The following NRXN1 variants were observed in gnomAD, a reference collection of about 807,000 sequenced individuals.
NRXN1 encodes the protein neurexin-1.
NRXN1 carries 39 observed loss-of-function variants against 150.9 expected under a neutral mutation model. That is an observed-to-expected ratio of 0.26 (90% CI 0.20 to 0.34). NRXN1 has a LOEUF of 0.34. Ranked by LOEUF, NRXN1 falls within the 10% of genes least tolerant of loss-of-function variation. The pLI is 1.00. For synonymous variants in NRXN1, 924 were observed against 757.0 expected (o/e 1.22, Z -3.62); for missense variants, 1,815 against 1,949.9 (o/e 0.93, Z 1.30).
intron 8 of NRXN1, among the ~76,000 whole-genome samples, chr2:50,566,915 G>C (rs1669964602): frequency 6.6e-6 from 1 of 152,064 alleles, no homozygotes; most frequent in Non-Finnish European, 1.5e-5. Context: ...TAGAAGTAAA[G>C]GGACTCCTTA....
At chr2:50,507,176 G>C (rs1244552458) in intron 12 of NRXN1, among the ~76,000 whole-genome samples, 2 of 152,036 alleles carry the variant, frequency 1.3e-5, no homozygotes, top group Non-Finnish European at 2.9e-5. Context: ...CTTATACCTG[G>C]TACCTCCAGT....
At chr2:50,114,133 T>C (rs1702726286) in intron 18 of NRXN1, among the ~76,000 whole-genome samples, 1 of 141,174 alleles carries the variant, frequency 7.1e-6, no homozygotes, top group East Asian at 2.2e-4. Flanking sequence ...TCCAGAATAG[T>C]TGTGAGATCC....
chr2:50,159,036 G>C (rs1253005075), intron 18 of NRXN1, among the ~76,000 whole-genome samples: 2 of 152,002 alleles, frequency 1.3e-5, no homozygotes, highest in African/African-American at 4.8e-5. Flanking sequence ...ATGATGATCA[G>C]AGAGATAGAA....
At chr2:50,649,167 G>T (rs1685223858) in intron 5 of NRXN1, among the ~76,000 whole-genome samples, 1 of 148,892 alleles carries the variant, frequency 6.7e-6, no homozygotes, top group East Asian at 2.0e-4. Flanking sequence ...TTCAAATTTT[G>T]GATAGTTTGA....
chr2:50,787,976 A>G (rs993623974), intron 5 of NRXN1, among the ~76,000 whole-genome samples: 1 of 152,200 alleles, frequency 6.6e-6, no homozygotes, highest in African/African-American at 2.4e-5. Flanking sequence ...ATATTGACCT[A>G]TTGTGAGTCT....
intron 13 of NRXN1, among the ~76,000 whole-genome samples, chr2:50,499,858 G>A: frequency 6.7e-6 from 1 of 149,330 alleles, no homozygotes; most frequent in East Asian, 2.0e-4. Context: ...TGAGGCAGGA[G>A]AATCGCTTGA....
chr2:50,955,679 G>C (rs983116130), intron 2 of NRXN1, among the ~76,000 whole-genome samples: 3 of 152,174 alleles, frequency 2.0e-5, no homozygotes, highest in Non-Finnish European at 4.4e-5. Flanking sequence ...AGCAAGTTGA[G>C]ATTGAAAGCA....
intron 18 of NRXN1, among the ~76,000 whole-genome samples, chr2:50,194,701 TA>T (rs2061649184): frequency 6.6e-6 from 1 of 152,166 alleles, no homozygotes; most frequent in Admixed American, 6.6e-5. Flanking sequence ...TCTGGAAATT[TA>T]AACATAATTT....
chr2:50,019,940 T>C, intron 21 of NRXN1, among the ~76,000 whole-genome samples: 1 of 37,868 alleles, frequency 2.6e-5, no homozygotes, highest in Non-Finnish European at 5.2e-5. Flanking sequence ...AAAGCAAGAC[T>C]CCGTCTCAAA....
chr2:50,696,950 AT>A (rs1365595125), intron 5 of NRXN1, among the ~76,000 whole-genome samples: 2 of 152,086 alleles, frequency 1.3e-5, no homozygotes, highest in African/African-American at 4.8e-5. Context: ...GGCATTGTTA[AT>A]TTCCACTTTT....
chr2:50,736,990 G>T (rs551493851), intron 5 of NRXN1, among the ~76,000 whole-genome samples: 3 of 152,132 alleles, frequency 2.0e-5, no homozygotes, highest in Admixed American at 2.0e-4. Context: ...AGGCATGGTG[G>T]TGCATGCCTG....
chr2:50,845,860 G>A (rs1188105637), intron 5 of NRXN1, among the ~76,000 whole-genome samples: 3 of 151,722 alleles, frequency 2.0e-5, no homozygotes, highest in South Asian at 2.1e-4. Flanking sequence ...TTTTCTGAGG[G>A]AAAAAAAACC....
intron 5 of NRXN1, among the ~76,000 whole-genome samples, chr2:50,746,944 C>T (rs897848165): frequency 1.3e-5 from 2 of 152,046 alleles, no homozygotes; most frequent in African/African-American, 4.8e-5. Flanking sequence ...CTTATGAACA[C>T]TCTAGTTAGC....
At chr2:49,956,902 C>T (rs1436741807) in intron 21 of NRXN1, among the ~76,000 whole-genome samples, 2 of 152,072 alleles carry the variant, frequency 1.3e-5, no homozygotes, top group Non-Finnish European at 2.9e-5. Context: ...TGCCTACATT[C>T]GATCAGGATA....
At chr2:50,262,743 C>T (rs2068419635) in intron 17 of NRXN1, among the ~76,000 whole-genome samples, 1 of 152,002 alleles carries the variant, frequency 6.6e-6, no homozygotes, top group Non-Finnish European at 1.5e-5. Flanking sequence ...GATGTAGCTG[C>T]AGTGGTGTCA....
chr2:50,806,763 G>A (rs149496526), intron 5 of NRXN1, among the ~76,000 whole-genome samples: 7 of 151,980 alleles, frequency 4.6e-5, no homozygotes, highest in Admixed American at 1.3e-4. Context: ...GAGCTACCTC[G>A]TACTAGTCCT....
At chr2:50,443,857 C>T (rs2086176229) in intron 17 of NRXN1, among the ~76,000 whole-genome samples, 2 of 152,078 alleles carry the variant, frequency 1.3e-5, no homozygotes, top group South Asian at 4.1e-4. Flanking sequence ...CCTCTGTTGT[C>T]TGTGGGGATT....
At position 50,158,929 on chromosome 2, in the gene NRXN1, C is replaced by T. The variant is rs141928597; in HGVS notation, c.3547-67435G>A. On this transcript the variant is annotated intron_variant, in intron 18 of 22. Transcript: ENST00000401669. ...TCCTGTCAGGATACGACAAAAAACG[C>T]GTAAGATAGGGACATCCAAGGATCA... Among the ~76,000 whole-genome samples the T allele has an allele frequency of 5.8e-3, 883 of 152,054 alleles. 11 individuals are homozygous for T. Among genetic ancestry groups the T allele is most frequent in the African/African-American group, 0.02 (838 of 41,488 alleles).
At chr2:49,929,962 G>A (rs572376368) in intron 22 of NRXN1, among the ~76,000 whole-genome samples, 2 of 152,304 alleles carry the variant, frequency 1.3e-5, no homozygotes, top group South Asian at 4.1e-4. Context: ...CCATGCAGGA[G>A]TAGGACAAAG....
Sources: gnomAD v4.1 joint callset for allele counts (sites outside exome capture counted in the v4.1 genomes callset) on GRCh38, gnomAD v4.1.1 for gene constraint, MANE v1.5 for transcripts, NCBI Gene and HGNC (gene_info 2026-07-23, HGNC 2026-07-21) for gene names.